COP1: variants seen among roughly 807,000 people sequenced by gnomAD.
The protein encoded by COP1 is COP1 E3 ubiquitin ligase, also known as E3 ubiquitin-protein ligase COP1.
In COP1, 24 loss-of-function variants were observed where a neutral mutation model predicts 101.3. That is an observed-to-expected ratio of 0.24 (90% CI 0.17 to 0.33). COP1 has a LOEUF of 0.33. Ranked by LOEUF, COP1 falls within the 10% of genes least tolerant of loss-of-function variation. The pLI is 1.00. For synonymous variants in COP1, 347 were observed against 341.9 expected (o/e 1.01, Z -0.17); for missense variants, 663 against 906.2 (o/e 0.73, Z 3.45).
intron 1 of COP1, among the ~76,000 whole-genome samples, chr1:176,198,142 T>C (rs953752218): frequency 1.3e-5 from 2 of 152,162 alleles, no homozygotes; most frequent in Admixed American, 6.5e-5. Flanking sequence ...ATTGGCACGC[T>C]AATCCTAAGA....
chr1:175,967,875 C>CT (rs375172601), intron 18 of COP1, among the ~76,000 whole-genome samples: 50 of 148,432 alleles, frequency 3.4e-4, no homozygotes, highest in African/African-American at 8.1e-4. Flanking sequence ...TTTCTTTTTT[C>CT]TTTTTTTTTT....
intron 14 of COP1, among the ~76,000 whole-genome samples, chr1:176,042,581 A>C (rs1190641217): frequency 2.0e-5 from 3 of 150,254 alleles, no homozygotes; most frequent in East Asian, 2.0e-4. Context: ...AAAAAAAAAA[A>C]CTAGCCAAGT....
intron 15 of COP1, among the ~76,000 whole-genome samples, chr1:176,008,878 G>A (rs896916974): frequency 2.0e-5 from 3 of 152,192 alleles, no homozygotes; most frequent in African/African-American, 4.8e-5. Context: ...CTGAGTAGGA[G>A]TTGTTCCTGG....
chr1:176,007,841 G>A (rs1489726265), intron 15 of COP1, among the ~76,000 whole-genome samples: 1 of 152,242 alleles, frequency 6.6e-6, no homozygotes, highest in African/African-American at 2.4e-5. Context: ...ACAGAGGCAG[G>A]CAGGCCTCCT....
intron 12 of COP1, among the ~76,000 whole-genome samples, chr1:176,045,381 G>T (rs1671333020): frequency 6.6e-6 from 1 of 151,886 alleles, no homozygotes; most frequent in African/African-American, 2.4e-5. Context: ...CTAGAAAAAA[G>T]AAAGTTATAA....
intron 14 of COP1, among the ~76,000 whole-genome samples, chr1:176,034,046 C>T (rs2149110402): frequency 6.6e-6 from 1 of 152,208 alleles, no homozygotes; most frequent in Non-Finnish European, 1.5e-5. Flanking sequence ...AGAGAGTAAG[C>T]CAATCTCTCT....
chr1:176,198,823 A>G (rs1202567389), intron 1 of COP1, among the ~76,000 whole-genome samples: 1 of 152,192 alleles, frequency 6.6e-6, no homozygotes, highest in African/African-American at 2.4e-5. Context: ...ATTTCACAAA[A>G]GATATGCAAA....
In COP1 at chr1:175,962,419, T is replaced by G. The variant is rs1651486406; in HGVS notation, c.2134-15180A>C. ...CCATTAGTTTCTTATATATTAATAT[T>G]TGCCTTCCTATTGTTCATCACTCCT... is the stretch of plus-strand genomic sequence containing the variant. On this transcript the variant is annotated intron_variant, in intron 18 of 19. Coordinates refer to ENST00000367669, the MANE Select transcript of COP1 (RefSeq NM_022457.7). 3.3e-5 allele frequency among the ~76,000 whole-genome samples: 5 copies of G among 152,120 alleles called. No individual in the cohort carries two copies. In the South Asian group the frequency reaches 1.0e-3, roughly 32 times the overall value.
chr1:176,076,116 C>G (rs1677954228), intron 11 of COP1, among the ~76,000 whole-genome samples: 1 of 151,466 alleles, frequency 6.6e-6, no homozygotes, highest in Admixed American at 6.6e-5. Flanking sequence ...TACACTTGAC[C>G]AACTGGATAC....
At chr1:176,137,086 G>A (rs1689928926) in intron 6 of COP1, among the ~76,000 whole-genome samples, 1 of 152,076 alleles carries the variant, frequency 6.6e-6, no homozygotes, top group South Asian at 2.1e-4. Flanking sequence ...GTCTGACAGA[G>A]GTTAAATCCC....
intron 3 of COP1, among the ~76,000 whole-genome samples, chr1:176,164,420 T>G (rs191074333): frequency 6.6e-6 from 1 of 152,326 alleles, no homozygotes; most frequent in East Asian, 1.9e-4. Context: ...AGAGGTTAGA[T>G]TCCACCCCAA....
intron 2 of COP1, among the ~76,000 whole-genome samples, chr1:176,183,535 AC>A (rs1698057043): frequency 6.6e-6 from 1 of 152,130 alleles, no homozygotes; most frequent in Non-Finnish European, 1.5e-5. Flanking sequence ...CCTATAGAAA[AC>A]AGTATGGCAG....
rs560458991 is a variant in COP1, at chr1:176,111,726, G to T, written c.1026+4898C>A. Among the ~76,000 whole-genome samples the T allele has an allele frequency of 5.3e-5, 8 of 152,002 alleles. No individual in the cohort carries two copies. The South Asian group carries it at 1.2e-3, about 24-fold the overall frequency. On this transcript the variant is annotated intron_variant, in intron 9 of 19. Coordinates refer to ENST00000367669, the MANE Select transcript of COP1 (RefSeq NM_022457.7). ...CTGTCTATTTTGTTCATACTTTTGG[G>T]TTTTTTTCAGTTTTACAGTATTCTT...
chr1:176,166,696 G>T lies in COP1; in HGVS notation c.566-2805C>A, dbSNP rs572482145. ...TCATGCCTATAATCCCATTATTTAG[G>T]GAGGCTGAGGCAGGCAAACAGCTTG... On this transcript the variant is annotated intron_variant, in intron 3 of 19. Coordinates refer to ENST00000367669, the MANE Select transcript of COP1 (RefSeq NM_022457.7). 1.6e-4 allele frequency among the ~76,000 whole-genome samples: 25 copies of T among 152,210 alleles called. No individual in the cohort carries two copies. In the South Asian group the frequency reaches 5.0e-3, roughly 30 times the overall value.
chr1:176,049,733 T>C (rs982144209), intron 11 of COP1, among the ~76,000 whole-genome samples: 3 of 152,126 alleles, frequency 2.0e-5, no homozygotes, highest in African/African-American at 7.2e-5. Flanking sequence ...AAACAGATCA[T>C]GAACTAACTG....
intron 11 of COP1, among the ~76,000 whole-genome samples, chr1:176,075,894 T>C (rs1677891978): frequency 6.7e-6 from 1 of 149,414 alleles, no homozygotes; most frequent in East Asian, 2.0e-4. Flanking sequence ...TCCCAGCTAC[T>C]GAAGAGGCTG....
chr1:176,145,759 TTAAA>T (rs144070090), intron 6 of COP1, among the ~76,000 whole-genome samples: 8,944 of 152,054 alleles, frequency 0.059, 581 homozygotes, highest in African/African-American at 0.16. Context: ...ACAAGCACAC[TTAAA>T]TAACGCTCAA....
At position 176,162,996 on chromosome 1, in the gene COP1, T is replaced by C. The variant is rs755238001; in HGVS notation, c.643-8A>G. On this transcript the variant is annotated splice_polypyrimidine_tract_variant and splice_region_variant and intron_variant, in intron 4 of 19. Coordinates refer to ENST00000367669, the MANE Select transcript of COP1 (RefSeq NM_022457.7). ...CTGCCACCTGTGGCCATTCTAAAAA[T>C]GAAGAAAGAAGAAACACAACAACTT... is the stretch of plus-strand genomic sequence containing the variant. 3.1e-6 allele frequency: 5 copies of C among 1,589,378 alleles called. No individual in the cohort carries two copies. The highest frequency in any genetic ancestry group is 1.2e-5 in the South Asian group (1 of 84,688).
At chr1:176,115,834 A>G (rs1455407430) in intron 9 of COP1, among the ~76,000 whole-genome samples, 1 of 152,186 alleles carries the variant, frequency 6.6e-6, no homozygotes, top group East Asian at 1.9e-4. Context: ...CAGTATCTCC[A>G]AGCCAAAGAT....
Sources: allele counts gnomAD v4.1 joint callset (sites outside exome capture counted in the v4.1 genomes callset), GRCh38; gene constraint gnomAD v4.1.1; transcripts MANE v1.5; gene names NCBI Gene and HGNC (gene_info 2026-07-23, HGNC 2026-07-21).